PTPRO: variants seen among roughly 807,000 people sequenced by gnomAD.
The protein encoded by PTPRO is protein tyrosine phosphatase receptor type O, also known as receptor-type tyrosine-protein phosphatase O.
A neutral mutation model predicts 145.2 loss-of-function variants in PTPRO; 62 were observed. The ratio of observed to expected loss-of-function variants is 0.43; its 90% CI spans 0.35 to 0.53. The LOEUF (loss-of-function observed/expected upper bound fraction) is 0.53. Among genes scored for constraint, PTPRO ranks in the 20% least tolerant of loss-of-function variants. The pLI is 0.01. For missense variants in PTPRO, 1,345 were observed against 1,482.7 expected (o/e 0.91, Z 1.53); for synonymous variants, 565 against 514.7 (o/e 1.10, Z -1.32).
In PTPRO at chr12:15,578,906, G is replaced by A. The variant is rs200417811; in HGVS notation, c.2883G>A (p.Leu961=). 6.2e-7 allele frequency: 1 copy of A among 1,607,362 alleles called. No homozygotes were observed. Among genetic ancestry groups the A allele is most frequent in the East Asian group, 2.2e-5 (1 of 44,826 alleles). Reference sequence around the variant, plus strand: ...CACACTTTGCTGCAGATCTTCCACTGAATCGATGTAAAAACCGTTACACAA... The same window carrying A: ...CACACTTTGCTGCAGATCTTCCACTAAATCGATGTAAAAACCGTTACACAA... ...DIPHFAADLP[L]NRCKNRYTNI... is the part of the protein sequence containing the mutation. Residue 961 remains leucine, a synonymous_variant, in exon 20 of 27, where the codon CTG becomes CTA. Transcript: ENST00000281171.
chr12:15,434,266 C>T (rs370366704), intron 1 of PTPRO, among the ~76,000 whole-genome samples: 1 of 152,166 alleles, frequency 6.6e-6, no homozygotes, highest in Non-Finnish European at 1.5e-5. Flanking sequence ...ATCTTAAGTT[C>T]AAATGCACTA....
chr12:15,556,169 G>T (rs1179878600), intron 15 of PTPRO, among the ~76,000 whole-genome samples: 1 of 152,044 alleles, frequency 6.6e-6, no homozygotes, highest in Admixed American at 6.5e-5. Context: ...TAAAACCCTT[G>T]AGTTACAGGT....
intron 1 of PTPRO, among the ~76,000 whole-genome samples, chr12:15,456,644 G>T (rs563711249): frequency 6.6e-6 from 1 of 152,224 alleles, no homozygotes; most frequent in African/African-American, 2.4e-5. Context: ...GTCCTTACTA[G>T]TTATAGGTCT....
At chr12:15,474,275 C>T (rs568622327) in intron 1 of PTPRO, among the ~76,000 whole-genome samples, 63 of 152,246 alleles carry the variant, frequency 4.1e-4, no homozygotes, top group African/African-American at 1.5e-3. Flanking sequence ...GTCCTTGCCC[C>T]GCAGCCCAGG....
chr12:15,417,224 C>T (rs1483289126), intron 1 of PTPRO, among the ~76,000 whole-genome samples: 1 of 151,538 alleles, frequency 6.6e-6, no homozygotes, highest in Non-Finnish European at 1.5e-5. Context: ...CCTGATAAAC[C>T]CATCATAAGT....
chr12:15,437,234 C>T (rs1226521695), intron 1 of PTPRO, among the ~76,000 whole-genome samples: 1 of 151,546 alleles, frequency 6.6e-6, no homozygotes. Context: ...TACAGAGGGA[C>T]CCTCTCTGCT....
Position 15,524,133 on chromosome 12 carries a change from A to G in PTPRO, c.1892-681A>G, listed in dbSNP as rs1247208706. Among the ~76,000 whole-genome samples, 3 of 143,582 alleles carry G rather than the reference A, an allele frequency of 2.1e-5. No homozygotes were observed. The Admixed American group carries it at 2.2e-4, about 10-fold the overall frequency. 94.2% of individuals were successfully genotyped at this position (143,582 alleles called of 152,430 possible). A position where few individuals can be genotyped will look rare whatever the true frequency, so the allele number is the denominator to read the frequency against. ...CATAAGATGATAAAGTAGCAAGCTC[A>G]GTGTTAGAATTTAGCTTCGTGGCTA... On this transcript the variant is annotated intron_variant, in intron 10 of 26. Transcript: ENST00000281171.
intron 1 of PTPRO, 43 bp from the exon 2 acceptor site, chr12:15,483,931 T>C: frequency 6.3e-7 from 1 of 1,591,190 alleles, no homozygotes; most frequent in Non-Finnish European, 8.6e-7. Context: ...GCCAATTATC[T>C]GAATATAACC....
intron 10 of PTPRO, among the ~76,000 whole-genome samples, chr12:15,524,100 T>A (rs1942785182): frequency 6.7e-6 from 1 of 149,322 alleles, no homozygotes; most frequent in Non-Finnish European, 1.5e-5. Context: ...TTTTTAAAAA[T>A]TTAAATGCAT....
chr12:15,454,948 T>A (rs568410910), intron 1 of PTPRO, among the ~76,000 whole-genome samples: 97 of 152,320 alleles, frequency 6.4e-4, no homozygotes, highest in Middle Eastern at 6.8e-3. Context: ...TATATGTCTC[T>A]ATGCTAGTTG....
intron 12 of PTPRO, among the ~76,000 whole-genome samples, chr12:15,531,579 T>C (rs1434990981): frequency 6.6e-6 from 1 of 152,174 alleles, no homozygotes; most frequent in Non-Finnish European, 1.5e-5. Flanking sequence ...TATTGCGGTA[T>C]ACATTTAGTT....
chr12:15,499,494 T>A lies in PTPRO; in HGVS notation c.561T>A (p.Tyr187Ter). Residue 187 changes from tyrosine (Y) to a stop codon, truncating the protein, a stop_gained, in exon 4 of 27, where the codon TAT becomes TAA. Coordinates refer to ENST00000281171, the MANE Select transcript of PTPRO (RefSeq NM_030667.3). LOFTEE classifies it high-confidence loss of function. ...VFNHWLPGMC[Y>*]SNITFQLVSE... ...ATCACTGGCTGCCAGGAATGTGTTATAGTAATATCACCTTTCAGCTGGTAT... is the reference window on the plus strand; with the variant it reads ...ATCACTGGCTGCCAGGAATGTGTTAAAGTAATATCACCTTTCAGCTGGTAT... 6.2e-7 allele frequency: 1 copy of A among 1,613,602 alleles called. No individual in the cohort carries two copies. The highest frequency in any genetic ancestry group is 8.5e-7 in the Non-Finnish European group (1 of 1,179,542).
chr12:15,381,441 C>T (rs1938859494), intron 1 of PTPRO, among the ~76,000 whole-genome samples: 1 of 152,102 alleles, frequency 6.6e-6, no homozygotes, highest in African/African-American at 2.4e-5. Flanking sequence ...GTGATAAAGC[C>T]ATGAATGCTG....
chr12:15,395,266 G>C (rs1350483216), intron 1 of PTPRO, among the ~76,000 whole-genome samples: 1 of 152,128 alleles, frequency 6.6e-6, no homozygotes, highest in African/African-American at 2.4e-5. Flanking sequence ...AGGAAATGTA[G>C]GCAATCGAGT....
intron 9 of PTPRO, among the ~76,000 whole-genome samples, chr12:15,518,384 CAGG>C (rs1942644210): frequency 6.6e-6 from 1 of 152,236 alleles, no homozygotes; most frequent in Non-Finnish European, 1.5e-5. Context: ...CCCAGGCCTC[CAGG>C]CCTGTGATGG....
At chr12:15,369,806 C>T (rs764310156) in intron 1 of PTPRO, among the ~76,000 whole-genome samples, 4 of 152,132 alleles carry the variant, frequency 2.6e-5, no homozygotes, top group Non-Finnish European at 4.4e-5. Flanking sequence ...AATTCCAACA[C>T]TTTGAGAGGC....
At chr12:15,345,688 T>C (rs149709075) in intron 1 of PTPRO, among the ~76,000 whole-genome samples, 1 of 152,126 alleles carries the variant, frequency 6.6e-6, no homozygotes, top group African/African-American at 2.4e-5. Context: ...ATGGCACGTT[T>C]ATACCTATGT....
intron 23 of PTPRO, among the ~76,000 whole-genome samples, chr12:15,582,567 T>C (rs906565235): frequency 6.6e-6 from 1 of 152,234 alleles, no homozygotes; most frequent in African/African-American, 2.4e-5. Flanking sequence ...AAGACACTAT[T>C]AATCATTGTT....
intron 17 of PTPRO, among the ~76,000 whole-genome samples, chr12:15,562,443 A>T (rs2135589450): frequency 6.6e-6 from 1 of 152,294 alleles, no homozygotes; most frequent in Admixed American, 6.5e-5. Context: ...CACACTGTCC[A>T]ACTTCCTTTC....
Sources: allele counts gnomAD v4.1 joint callset (sites outside exome capture counted in the v4.1 genomes callset), GRCh38; gene constraint gnomAD v4.1.1; transcripts MANE v1.5; gene names NCBI Gene and HGNC (gene_info 2026-07-23, HGNC 2026-07-21).